Variants in MNAT1 observed in about 807,000 individuals in gnomAD.
MNAT1 encodes the protein CDK-activating kinase assembly factor MAT1.
MNAT1 carries 43 observed loss-of-function variants against 42.0 expected under a neutral mutation model. The observed-to-expected ratio is 1.02, with a 90% CI of 0.80 to 1.32. The LOEUF (loss-of-function observed/expected upper bound fraction) is 1.32, where lower values mean the gene tolerates loss of function less well. Among genes scored for constraint, MNAT1 ranks in the 40% most tolerant of loss-of-function variants. MNAT1 has a pLI of 0.00. For missense variants in MNAT1, 306 were observed against 350.4 expected (o/e 0.87, Z 1.01); for synonymous variants, 118 against 120.0 (o/e 0.98, Z 0.11).
intron 1 of MNAT1, among the ~76,000 whole-genome samples, chr14:60,754,120 T>C (rs981995456): frequency 1.1e-4 from 17 of 152,156 alleles, no homozygotes; most frequent in Non-Finnish European, 2.2e-4. Context: ...CCAGCTGATA[T>C]CTTGACAAAT....
At position 60,836,961 on chromosome 14, in the gene MNAT1, C is replaced by G. The variant is rs139220799; in HGVS notation, c.687+18114C>G. On this transcript the variant is annotated intron_variant, in intron 6 of 7. Coordinates refer to ENST00000261245, the MANE Select transcript of MNAT1 (RefSeq NM_002431.4). Reference sequence around the variant, plus strand: ...CCAAGAGAGGAGGAATCTAGAGAGGCAGTCAGGCTACAGCAGCTTTGTGGC... The same window carrying G: ...CCAAGAGAGGAGGAATCTAGAGAGGGAGTCAGGCTACAGCAGCTTTGTGGC... 4.6e-5 allele frequency among the ~76,000 whole-genome samples: 7 copies of G among 152,314 alleles called. No homozygotes were observed. The East Asian group carries it at 1.4e-3, about 29-fold the overall frequency.
At chr14:60,786,602 A>G (rs2031660208) in intron 1 of MNAT1, among the ~76,000 whole-genome samples, 1 of 152,208 alleles carries the variant, frequency 6.6e-6, no homozygotes, top group African/African-American at 2.4e-5. Context: ...TTATAAACCT[A>G]TTACATGTTA....
intron 6 of MNAT1, among the ~76,000 whole-genome samples, chr14:60,829,960 G>T (rs1044639082): frequency 2.6e-5 from 4 of 152,064 alleles, no homozygotes; most frequent in Non-Finnish European, 1.5e-5. Flanking sequence ...GGTTGCTGTT[G>T]GTGTTGCGGA....
At chr14:60,877,658 A>G (rs748104538) in intron 6 of MNAT1, among the ~76,000 whole-genome samples, 5 of 152,040 alleles carry the variant, frequency 3.3e-5, no homozygotes, top group Admixed American at 6.6e-5. Flanking sequence ...CAAGAAAAAC[A>G]AGAGAACTAG....
chr14:60,928,531 T>C (rs1279397538), intron 7 of MNAT1, among the ~76,000 whole-genome samples: 1 of 152,212 alleles, frequency 6.6e-6, no homozygotes, highest in Non-Finnish European at 1.5e-5. Context: ...GTCATTTTGA[T>C]TATAACCATT....
intron 7 of MNAT1, among the ~76,000 whole-genome samples, chr14:60,915,633 C>T (rs2035495902): frequency 6.6e-6 from 1 of 152,154 alleles, no homozygotes; most frequent in African/African-American, 2.4e-5. Flanking sequence ...GGTGTTACTT[C>T]CTGGTAGTTT....
At chr14:60,830,576 C>T (rs879527968) in intron 6 of MNAT1, among the ~76,000 whole-genome samples, 12 of 152,164 alleles carry the variant, frequency 7.9e-5, no homozygotes, top group African/African-American at 1.4e-4. Flanking sequence ...ATATTTCCTG[C>T]GATGATTTTT....
rs935995759 is a variant in MNAT1 at position 60,811,376 on chromosome 14, C to T, written c.421-611C>T. Among the ~76,000 whole-genome samples the T allele has an allele frequency of 2.1e-5, 3 of 143,364 alleles. No homozygotes were observed. In the South Asian group the frequency reaches 6.6e-4, roughly 31 times the overall value. 94.1% of individuals were successfully genotyped at this position (143,364 alleles called of 152,430 possible). On this transcript the variant is annotated intron_variant, in intron 4 of 7. Transcript: ENST00000261245. ...GGAGTGTAATGGTGTGAACTTGGCTCACTGCAACCTTCATTTCCTGGGTTC... is the reference window on the plus strand; with the variant it reads ...GGAGTGTAATGGTGTGAACTTGGCTTACTGCAACCTTCATTTCCTGGGTTC...
chr14:60,966,279 C>T (rs1019512325), intron 7 of MNAT1, among the ~76,000 whole-genome samples: 2 of 151,982 alleles, frequency 1.3e-5, no homozygotes, highest in African/African-American at 4.8e-5. Flanking sequence ...GCCACTGTGC[C>T]TGGCTACTTT....
intron 1 of MNAT1, among the ~76,000 whole-genome samples, chr14:60,778,894 G>A (rs890343277): frequency 6.6e-6 from 1 of 152,214 alleles, no homozygotes; most frequent in Non-Finnish European, 1.5e-5. Flanking sequence ...CCAAGGGATG[G>A]AATAGGAGTG....
intron 1 of MNAT1, chr14:60,780,342 A>C: frequency 3.8e-6 from 6 of 1,571,444 alleles, no homozygotes; most frequent in Non-Finnish European, 5.3e-6. Context: ...AAGTCTCAGA[A>C]AGCTATTCAG....
chr14:60,766,271 C>G (rs764362124), intron 1 of MNAT1, among the ~76,000 whole-genome samples: 13 of 150,864 alleles, frequency 8.6e-5, no homozygotes, highest in Non-Finnish European at 1.6e-4. Flanking sequence ...TGCTTGAACC[C>G]GGGAGGCGGA....
At chr14:60,929,592 TCCC>T (rs1319844008) in intron 7 of MNAT1, among the ~76,000 whole-genome samples, 1 of 152,074 alleles carries the variant, frequency 6.6e-6, no homozygotes. Flanking sequence ...TTGCCTATTA[TCCC>T]CAGTAATTCC....
chr14:60,952,578 A>G (rs1411551361), intron 7 of MNAT1, among the ~76,000 whole-genome samples: 2 of 152,212 alleles, frequency 1.3e-5, no homozygotes, highest in Non-Finnish European at 2.9e-5. Flanking sequence ...GAGAAAGAGC[A>G]TTCCAAGATG....
chr14:60,893,064 T>C (rs188775427), intron 7 of MNAT1, among the ~76,000 whole-genome samples: 1 of 152,254 alleles, frequency 6.6e-6, no homozygotes, highest in East Asian at 1.9e-4. Flanking sequence ...GTCTCTTAAA[T>C]CTTACAATGT....
intron 1 of MNAT1, among the ~76,000 whole-genome samples, chr14:60,757,249 A>G (rs1004993855): frequency 5.7e-4 from 86 of 152,188 alleles, no homozygotes; most frequent in African/African-American, 9.2e-4. Context: ...CTGATCTGAC[A>G]GTTTCTTACT....
At chr14:60,743,736 A>G (rs985468528) in intron 1 of MNAT1, among the ~76,000 whole-genome samples, 1 of 152,224 alleles carries the variant, frequency 6.6e-6, no homozygotes, top group African/African-American at 2.4e-5. Flanking sequence ...ACCATACAAA[A>G]GATATCATTT....
chr14:60,744,876 C>T (rs1896569881), intron 1 of MNAT1, among the ~76,000 whole-genome samples: 1 of 152,168 alleles, frequency 6.6e-6, no homozygotes, highest in African/African-American at 2.4e-5. Flanking sequence ...GATTTCTCTG[C>T]TCTGGCTGGT....
intron 1 of MNAT1, among the ~76,000 whole-genome samples, chr14:60,795,716 T>G (rs552441548): frequency 1.3e-5 from 2 of 152,200 alleles, no homozygotes; most frequent in Admixed American, 1.3e-4. Context: ...AGCTAGCACC[T>G]CTTTCTTGTA....
Sources: gnomAD v4.1 joint callset for allele counts (sites outside exome capture counted in the v4.1 genomes callset) on GRCh38, gnomAD v4.1.1 for gene constraint, MANE v1.5 for transcripts, NCBI Gene and HGNC (gene_info 2026-07-23, HGNC 2026-07-21) for gene names.